RAB27B: variants seen among roughly 807,000 people sequenced by gnomAD.
RAB27B encodes the protein RAB27B, member RAS oncogene family.
In RAB27B, 15 loss-of-function variants were observed where a neutral mutation model predicts 24.6. The ratio of observed to expected loss-of-function variants is 0.61; its 90% CI spans 0.41 to 0.94. RAB27B has a LOEUF of 0.94. RAB27B is among the 40% of genes least tolerant of loss of function. RAB27B has a pLI of 0.00. For synonymous variants in RAB27B, 105 were observed against 92.5 expected (o/e 1.14, Z -0.78); for missense variants, 261 against 266.8 (o/e 0.98, Z 0.15).
At chr18:54,834,865 C>T (rs773544183) in intron 1 of RAB27B, among the ~76,000 whole-genome samples, 1 of 151,604 alleles carries the variant, frequency 6.6e-6, no homozygotes, top group Non-Finnish European at 1.5e-5. Flanking sequence ...AACTTGGGGT[C>T]AACTTAATCT....
chr18:54,809,649 CAAACCTGTTAGG>C (rs1277933193), intron 2 of RAB27B, among the ~76,000 whole-genome samples: 36 of 152,154 alleles, frequency 2.4e-4, no homozygotes, highest in Non-Finnish European at 4.3e-4. Flanking sequence ...TGTTTGGAGG[CAAACCTGTTAGG>C]AAATGCTTTA....
chr18:54,809,894 A>G (rs1010257228), intron 2 of RAB27B, among the ~76,000 whole-genome samples: 1 of 152,180 alleles, frequency 6.6e-6, no homozygotes, highest in Non-Finnish European at 1.5e-5. Flanking sequence ...AGCTAATGAT[A>G]TTTTGAATTG....
chr18:54,877,581 T>C lies in RAB27B; in HGVS notation c.-5T>C. On this transcript the variant is annotated 5_prime_UTR_variant, in exon 2 of 6. Transcript: ENST00000262094. Reference sequence around the variant, plus strand: ...CTCCTATACAGACCGACCAAGACCATCACTATGACCGATGGAGACTATGAT... The same window carrying C: ...CTCCTATACAGACCGACCAAGACCACCACTATGACCGATGGAGACTATGAT... 6.5e-7 allele frequency: 1 copy of C among 1,537,272 alleles called. No homozygotes were observed. The highest frequency in any genetic ancestry group is 8.7e-7 in the Non-Finnish European group (1 of 1,153,190).
intron 3 of RAB27B, among the ~76,000 whole-genome samples, chr18:54,882,801 G>A (rs1467649198): frequency 2.0e-5 from 3 of 152,170 alleles, no homozygotes; most frequent in Non-Finnish European, 1.5e-5. Context: ...AGCCTTGCCA[G>A]CTTTGTAAGG....
intron 1 of RAB27B, among the ~76,000 whole-genome samples, chr18:54,865,807 C>T (rs11152031): frequency 0.34 from 51,295 of 152,046 alleles, 10,270 homozygotes; most frequent in Admixed American, 0.43. Flanking sequence ...ATAAACACTT[C>T]AACTATAGGC....
At chr18:54,849,094 T>C (rs536732071) in intron 1 of RAB27B, among the ~76,000 whole-genome samples, 80 of 152,300 alleles carry the variant, frequency 5.3e-4, no homozygotes, top group Non-Finnish European at 8.4e-4. Context: ...GGCATTGTAA[T>C]GCTGCCAGCT....
chr18:54,877,045 G>A (rs888909494), intron 1 of RAB27B, among the ~76,000 whole-genome samples: 2 of 152,154 alleles, frequency 1.3e-5, no homozygotes, highest in Non-Finnish European at 2.9e-5. Context: ...GGACCCAGTG[G>A]GAGGTAATTT....
At chr18:54,789,006 T>C (rs1254742821) in intron 2 of RAB27B, among the ~76,000 whole-genome samples, 1 of 151,606 alleles carries the variant, frequency 6.6e-6, no homozygotes, top group African/African-American at 2.4e-5. Flanking sequence ...CGGTCCTAAG[T>C]AACTGTGACA....
At chr18:54,732,023 A>G (rs1909747172) in intron 2 of RAB27B, among the ~76,000 whole-genome samples, 1 of 152,198 alleles carries the variant, frequency 6.6e-6, no homozygotes, top group South Asian at 2.1e-4. Context: ...TGTCAGTATA[A>G]AAAAGGTGGG....
At position 54,892,877 on chromosome 18, in the gene RAB27B, C is replaced by A. The variant is rs118175558; in HGVS notation, c.*3464C>A. 2 of 151,952 alleles carry A rather than the reference C, an allele frequency of 1.3e-5. No individual in the cohort carries two copies. The highest frequency in any genetic ancestry group is 2.9e-5 in the Non-Finnish European group (2 of 67,908). 9.4% of individuals were successfully genotyped at this position (151,952 alleles called of 1,614,324 possible). A position where few individuals can be genotyped will look rare whatever the true frequency, so the allele number is the denominator to read the frequency against. On this transcript the variant is annotated 3_prime_UTR_variant, in exon 6 of 6. Transcript: ENST00000262094. Reference sequence around the variant, plus strand: ...AACCTGTACAGGTAGATGAACCAGGCGAGAGTTTTAATCAGCCTTTTCTTG... The same window carrying A: ...AACCTGTACAGGTAGATGAACCAGGAGAGAGTTTTAATCAGCCTTTTCTTG...
intron 2 of RAB27B, among the ~76,000 whole-genome samples, chr18:54,795,751 A>G (rs962013667): frequency 1.3e-5 from 2 of 152,214 alleles, no homozygotes; most frequent in Admixed American, 1.3e-4. Context: ...ACTTGTCTCT[A>G]AGACTATTGG....
At chr18:54,842,671 A>G (rs1169626236) in intron 1 of RAB27B, among the ~76,000 whole-genome samples, 8 of 152,220 alleles carry the variant, frequency 5.3e-5, no homozygotes, top group African/African-American at 1.9e-4. Context: ...TGTCTTATCT[A>G]TCTACTCTCA....
intron 2 of RAB27B, among the ~76,000 whole-genome samples, chr18:54,818,645 C>G (rs149203987): frequency 6.6e-6 from 1 of 152,080 alleles, no homozygotes; most frequent in Non-Finnish European, 1.5e-5. Flanking sequence ...CCATTCCTGC[C>G]GTGAGAGCCT....
chr18:54,797,900 A>G, intron 2 of RAB27B, among the ~76,000 whole-genome samples: 1 of 152,212 alleles, frequency 6.6e-6, no homozygotes. Context: ...GTAGTTCTCA[A>G]TACTGGCTGT....
chr18:54,858,377 GT>G (rs4071703), intron 1 of RAB27B, among the ~76,000 whole-genome samples: 44,552 of 127,860 alleles, frequency 0.35, 7,468 homozygotes, highest in Non-Finnish European at 0.44. Flanking sequence ...CAGGAAAACT[GT>G]TTTTTTTTTT....
intron 2 of RAB27B, among the ~76,000 whole-genome samples, chr18:54,782,170 A>G (rs1012453416): frequency 3.3e-5 from 5 of 152,236 alleles, no homozygotes; most frequent in African/African-American, 9.6e-5. Context: ...CATTATTCTA[A>G]AGAATATCCT....
intron 2 of RAB27B, among the ~76,000 whole-genome samples, chr18:54,725,843 C>G (rs1478204828): frequency 1.3e-5 from 2 of 151,476 alleles, no homozygotes; most frequent in Non-Finnish European, 3.0e-5. Context: ...GGTGGGGACA[C>G]AGCAAAATCA....
chr18:54,728,342 G>C (rs906365662), intron 2 of RAB27B, among the ~76,000 whole-genome samples: 1 of 152,080 alleles, frequency 6.6e-6, no homozygotes, highest in African/African-American at 2.4e-5. Flanking sequence ...GCCTCAGTGG[G>C]GTGAAGTTTT....
intron 1 of RAB27B, among the ~76,000 whole-genome samples, chr18:54,858,613 C>T (rs1911885358): frequency 1.3e-5 from 2 of 152,032 alleles, no homozygotes; most frequent in South Asian, 4.2e-4. Context: ...AGGATGGTCT[C>T]GATCTCCTGA....
Sources: allele counts gnomAD v4.1 joint callset (sites outside exome capture counted in the v4.1 genomes callset), GRCh38; gene constraint gnomAD v4.1.1; transcripts MANE v1.5; gene names NCBI Gene and HGNC (gene_info 2026-07-23, HGNC 2026-07-21).